The following SDK2 variants were observed in gnomAD, a reference collection of about 807,000 sequenced individuals.
SDK2 encodes protein sidekick-2.
SDK2 carries 105 observed loss-of-function variants against 253.9 expected under a neutral mutation model. That is an observed-to-expected ratio of 0.41 (90% CI 0.35 to 0.49). SDK2 has a LOEUF of 0.49. SDK2 is among the 20% of genes least tolerant of loss of function. SDK2 has a pLI of 0.06. For missense variants in SDK2, 2,608 were observed against 3,003.0 expected (o/e 0.87, Z 3.07); for synonymous variants, 1,249 against 1,234.9 (o/e 1.01, Z -0.24).
chr17:73,533,843 A>G (rs1368084420), intron 1 of SDK2, among the ~76,000 whole-genome samples: 2 of 152,078 alleles, frequency 1.3e-5, no homozygotes, highest in Non-Finnish European at 2.9e-5. Context: ...CTCTGCCCCC[A>G]AAGAAGGGTC....
At chr17:73,605,085 C>G (rs1248050270) in intron 1 of SDK2, among the ~76,000 whole-genome samples, 1 of 152,184 alleles carries the variant, frequency 6.6e-6, no homozygotes, top group Non-Finnish European at 1.5e-5. Context: ...TAAGAGGGTC[C>G]CTCTGGTTTA....
intron 1 of SDK2, among the ~76,000 whole-genome samples, chr17:73,544,817 G>A (rs2044930084): frequency 6.6e-6 from 1 of 152,196 alleles, no homozygotes; most frequent in East Asian, 1.9e-4. Context: ...CAGAGCTCGG[G>A]TGTGCAGCAC....
chr17:73,418,665 T>C (rs1170927554), intron 16 of SDK2, among the ~76,000 whole-genome samples: 1 of 152,232 alleles, frequency 6.6e-6, no homozygotes. Flanking sequence ...TGACCCTTAA[T>C]GACTCCCATT....
At chr17:73,376,974 C>A (rs1323887817) in intron 36 of SDK2, among the ~76,000 whole-genome samples, 1 of 149,206 alleles carries the variant, frequency 6.7e-6, no homozygotes, top group Non-Finnish European at 1.5e-5. Context: ...AGCTCTTCCC[C>A]TTTGCTGACA....
chr17:73,459,439 C>T (rs574587094), intron 3 of SDK2, among the ~76,000 whole-genome samples: 5 of 152,350 alleles, frequency 3.3e-5, no homozygotes, highest in Admixed American at 6.5e-5. Flanking sequence ...TCCCACCCCA[C>T]GGCCTGTATT....
At chr17:73,595,092 C>T (rs1036318533) in intron 1 of SDK2, among the ~76,000 whole-genome samples, 2 of 152,216 alleles carry the variant, frequency 1.3e-5, no homozygotes, top group African/African-American at 4.8e-5. Flanking sequence ...GTACCCACAG[C>T]TCCTAGCACG....
rs142623001 is a variant in SDK2, at chr17:73,388,054, G to C, written c.4193-17C>G. ...GCGGACGGTCTGGGAGGTGGCAGAG[G>C]GGGAGGAGCAGGTGAGTGGGCCAGG... On this transcript the variant is annotated splice_polypyrimidine_tract_variant and intron_variant, in intron 29 of 44. Coordinates refer to ENST00000392650, the MANE Select transcript of SDK2 (RefSeq NM_001144952.2). 1,305 of 1,554,994 alleles carry C rather than the reference G, an allele frequency of 8.4e-4. 20 individuals carry two copies. The South Asian group carries it at 0.014, about 17-fold the overall frequency.
rs936922650 is a variant in SDK2 at position 73,527,693 on chromosome 17, G to C, written c.65-20096C>G. Among the ~76,000 whole-genome samples the C allele has an allele frequency of 2.6e-5, 4 of 152,236 alleles. No homozygotes were observed. In the South Asian group the frequency reaches 8.3e-4, roughly 32 times the overall value. ...ACCCCTCCTGGCAGTGCAGAGGAGC[G>C]TGGATGGAAGGAGGTAGGTGTGCCG... On this transcript the variant is annotated intron_variant, in intron 1 of 44. Transcript: ENST00000392650.
Position 73,545,099 on chromosome 17 carries a change from GCACA to G in SDK2, c.65-37506_65-37503del, listed in dbSNP as rs58966207. On this transcript the variant is annotated intron_variant, in intron 1 of 44. Transcript: ENST00000392650. ...GCATTCTCATTGCGTGCACGTGCAC[GCACA>G]CACACACACACACACACACACACAA... is the stretch of plus-strand genomic sequence containing the variant. Among the ~76,000 whole-genome samples, 1,296 of 145,806 alleles carry G rather than the reference GCACA, an allele frequency of 8.9e-3. 11 individuals are homozygous for G. The highest frequency in any genetic ancestry group is 0.03 in the African/African-American group (1,171 of 39,012).
At chr17:73,536,651 G>T (rs1352411915) in intron 1 of SDK2, among the ~76,000 whole-genome samples, 1 of 152,216 alleles carries the variant, frequency 6.6e-6, no homozygotes, top group Non-Finnish European at 1.5e-5. Context: ...CAGTGCGGGG[G>T]TCGCAAAATC....
At chr17:73,425,948 G>A (rs150482649) in intron 12 of SDK2, among the ~76,000 whole-genome samples, 6 of 152,226 alleles carry the variant, frequency 3.9e-5, no homozygotes, top group South Asian at 2.1e-4. Flanking sequence ...CACGGCAAGC[G>A]GTCAGTAACA....
chr17:73,623,838 G>A (rs2046165689), intron 1 of SDK2, among the ~76,000 whole-genome samples: 2 of 152,214 alleles, frequency 1.3e-5, no homozygotes, highest in Admixed American at 1.3e-4. Flanking sequence ...AATAAGTGAT[G>A]AGTTCCCCCA....
At chr17:73,469,381 C>A (rs1234155288) in intron 3 of SDK2, among the ~76,000 whole-genome samples, 1 of 152,318 alleles carries the variant, frequency 6.6e-6, no homozygotes, top group East Asian at 1.9e-4. Flanking sequence ...GTACCCCCAT[C>A]CCCAGGGTCT....
intron 1 of SDK2, among the ~76,000 whole-genome samples, chr17:73,635,643 C>G (rs144810169): frequency 6.6e-6 from 1 of 152,310 alleles, no homozygotes; most frequent in East Asian, 1.9e-4. Context: ...ACTGTCACAT[C>G]ATCAAAATTT....
chr17:73,469,990 GCGCACA>G (rs1482207725), intron 3 of SDK2, among the ~76,000 whole-genome samples: 237 of 105,668 alleles, frequency 2.2e-3, no homozygotes, highest in African/African-American at 7.4e-3. Flanking sequence ...CTGCGCGCGC[GCGCACA>G]CACACACACA....
rs1162994939 is a variant in SDK2 at position 73,499,187 on chromosome 17, T to C, written c.224+8251A>G. On this transcript the variant is annotated intron_variant, in intron 2 of 44. Coordinates refer to ENST00000392650, the MANE Select transcript of SDK2 (RefSeq NM_001144952.2). ...CCAGAGAAGCCAGAGATAAAGCCGC[T>C]GGCCTGGGGAATTTCTCTTCATCTT... Among the ~76,000 whole-genome samples, 5 of 152,232 alleles carry C rather than the reference T, an allele frequency of 3.3e-5. No homozygotes were observed. In the East Asian group the frequency reaches 9.6e-4, roughly 29 times the overall value.
At chr17:73,407,431 T>C (rs1297518785) in intron 18 of SDK2, among the ~76,000 whole-genome samples, 1 of 152,068 alleles carries the variant, frequency 6.6e-6, no homozygotes, top group Non-Finnish European at 1.5e-5. Flanking sequence ...GGTAATGGAT[T>C]GAAACATGTC....
chr17:73,612,226 GC>G lies in SDK2; in HGVS notation c.64+31798del, dbSNP rs1253728298. On this transcript the variant is annotated intron_variant, in intron 1 of 44. Coordinates refer to ENST00000392650, the MANE Select transcript of SDK2 (RefSeq NM_001144952.2). The surrounding 1 kb of genome is among the most constrained non-coding windows in gnomAD (Gnocchi z 4.4). ...GTGGTGGCCCAGCTGCACCCGGGCT[GC>G]AGGCCGGCCCCCCACGGTCCCCCAC... 2.0e-5 allele frequency among the ~76,000 whole-genome samples: 3 copies of G among 152,190 alleles called. No homozygotes were observed. Among genetic ancestry groups the G allele is most frequent in the Non-Finnish European group, 2.9e-5 (2 of 68,030 alleles).
At chr17:73,566,530 C>A (rs755152893) in intron 1 of SDK2, among the ~76,000 whole-genome samples, 2 of 152,138 alleles carry the variant, frequency 1.3e-5, no homozygotes, top group Non-Finnish European at 2.9e-5. Context: ...AAAAACATGA[C>A]ATAAAGTTTA....
Sources: allele counts gnomAD v4.1 joint callset (sites outside exome capture counted in the v4.1 genomes callset), GRCh38; gene constraint gnomAD v4.1.1; non-coding constraint Gnocchi (gnomAD v3.1); transcripts MANE v1.5; gene names NCBI Gene and HGNC (gene_info 2026-07-23, HGNC 2026-07-21).